The following USB1 variants were observed in gnomAD, a reference collection of about 807,000 sequenced individuals.
USB1 encodes the protein U6 snRNA biogenesis phosphodiesterase 1.
USB1 carries 21 observed loss-of-function variants against 29.9 expected under a neutral mutation model. The observed-to-expected ratio is 0.70, with a 90% CI of 0.50 to 1.01. The LOEUF (loss-of-function observed/expected upper bound fraction) is 1.01, where lower values mean the gene tolerates loss of function less well. Ranked by LOEUF, USB1 falls within the 50% of genes least tolerant of loss-of-function variation. The pLI, the probability that USB1 is intolerant of heterozygous loss-of-function variation, is 0.00. For missense variants in USB1, 330 were observed against 347.1 expected (o/e 0.95, Z 0.39); for synonymous variants, 143 against 134.9 (o/e 1.06, Z -0.42).
chr16:58,011,410 A>C, intron 3 of USB1: 1 of 1,150,926 alleles, frequency 8.7e-7, no homozygotes, highest in Non-Finnish European at 1.1e-6. Context: ...CCCCTTACCT[A>C]TTAGATTATT....
At chr16:58,017,000 T>C in intron 4 of USB1, 1 of 358,882 alleles carries the variant, frequency 2.8e-6, no homozygotes, top group Non-Finnish European at 5.4e-6. Context: ...AGGACAGGAG[T>C]CATTTGCGAT....
chr16:58,001,325 C>A, upstream of USB1: 1 of 840,870 alleles, frequency 1.2e-6, no homozygotes, highest in South Asian at 1.5e-5. Flanking sequence ...TGGGCTGAAT[C>A]TTCACCACTG....
At chr16:58,012,658 G>T in intron 3 of USB1, 1 of 1,246,886 alleles carries the variant, frequency 8.0e-7, no homozygotes, top group Non-Finnish European at 1.0e-6. Flanking sequence ...TTCTTTGGGA[G>T]TAAAGAGTTA....
chr16:58,010,637 A>T, intron 3 of USB1: 1 of 269,742 alleles, frequency 3.7e-6, no homozygotes, highest in Admixed American at 4.9e-5. Flanking sequence ...CTCAGGTTTG[A>T]TCATTTGCTA....
At chr16:58,015,142 T>G (rs7201127) in intron 4 of USB1, 118,484 of 151,986 alleles carry the variant, frequency 0.78, 46,666 homozygotes, top group African/African-American at 0.84. Flanking sequence ...GAGCATGTAG[T>G]GGGGTGGTGC....
rs1963298547 is a variant in USB1, at chr16:58,004,104, C to T, written c.265+1459C>T. On this transcript the variant is annotated intron_variant, in intron 2 of 6. Coordinates refer to ENST00000219281, the MANE Select transcript of USB1 (RefSeq NM_024598.4). ...TGCATTTTACATTTAGTTCTGTGTC[C>T]ATTTTGAGTTAATTTTTGTGAAAGG... 2.0e-5 allele frequency among the ~76,000 whole-genome samples: 3 copies of T among 152,120 alleles called. No homozygotes were observed. The South Asian group carries it at 6.2e-4, about 32-fold the overall frequency.
chr16:58,012,026 AT>A, intron 3 of USB1: 1 of 1,209,698 alleles, frequency 8.3e-7, no homozygotes, highest in Non-Finnish European at 1.0e-6. Flanking sequence ...CAAAAGCCTG[AT>A]GTGTGGCTGT....
At chr16:58,014,381 T>C in intron 4 of USB1, 55 bp downstream of exon 4, 2 of 1,476,586 alleles carry the variant, frequency 1.4e-6, no homozygotes, top group Non-Finnish European at 1.9e-6. Context: ...GGTGCAAAAA[T>C]TGAGTGCTTT....
At chr16:58,017,036 G>A in intron 4 of USB1, 1 of 424,990 alleles carries the variant, frequency 2.4e-6, no homozygotes, top group Non-Finnish European at 4.4e-6. Context: ...GAATGGGGGT[G>A]CAGAAGCTTC....
upstream of USB1, chr16:58,001,314 G>T: frequency 1.3e-6 from 1 of 768,140 alleles, no homozygotes; most frequent in Non-Finnish European, 2.2e-6. Context: ...CTTGGAGTCG[G>T]TGGGCTGAAT....
At chr16:58,009,724 CAA>C (rs537536509) in intron 2 of USB1, among the ~76,000 whole-genome samples, 2 of 108,778 alleles carry the variant, frequency 1.8e-5, no homozygotes. Flanking sequence ...GACTCCTTCT[CAA>C]AAAAAAAAAA....
chr16:58,004,647 T>C (rs1412991726), intron 2 of USB1, among the ~76,000 whole-genome samples: 1 of 152,208 alleles, frequency 6.6e-6, no homozygotes, highest in Non-Finnish European at 1.5e-5. Context: ...AATAACTTGC[T>C]GAGATTTTGA....
chr16:58,001,395 C>T (rs901486854), upstream of USB1: 41 of 1,479,852 alleles, frequency 2.8e-5, no homozygotes, highest in East Asian at 1.5e-4. Context: ...CAGGCCCCGC[C>T]CCTGGGAGGG....
Position 58,020,738 on chromosome 16 carries a change from T to C in USB1, c.*493T>C, listed in dbSNP as rs1963723423. On this transcript the variant is annotated 3_prime_UTR_variant, in exon 7 of 7. Coordinates refer to ENST00000219281, the MANE Select transcript of USB1 (RefSeq NM_024598.4). ...TCCCCTCCTCTATCTCTTCCTCTCC[T>C]CTCTCTCTTCCTCTCCTCTCTCTCT... 2 of 189,266 alleles carry C rather than the reference T, an allele frequency of 1.1e-5. No individual in the cohort carries two copies. The highest frequency in any genetic ancestry group is 1.8e-4 in the South Asian group (2 of 11,272). 11.7% of individuals were successfully genotyped at this position (189,266 alleles called of 1,614,324 possible).
At chr16:58,009,788 C>T in intron 2 of USB1, 141 bp from the exon 3 acceptor site, 1 of 728,638 alleles carries the variant, frequency 1.4e-6, no homozygotes, top group East Asian at 2.8e-5. Flanking sequence ...TATTAGAAGA[C>T]ATAGACATAG....
At position 58,020,580 on chromosome 16, in the gene USB1, T is replaced by C. The variant is rs1211845876; in HGVS notation, c.*335T>C. On this transcript the variant is annotated 3_prime_UTR_variant, in exon 7 of 7. Transcript: ENST00000219281. ...TCCCCTCCTCTCTTCCTCTCCTCTC[T>C]CTTCCTCTCCTCTCTCTACCCCTCC... 1 of 372,864 alleles carries C rather than the reference T, an allele frequency of 2.7e-6. No homozygotes were observed. Among genetic ancestry groups the C allele is most frequent in the Non-Finnish European group, 5.1e-6 (1 of 196,566 alleles). 23.1% of individuals were successfully genotyped at this position (372,864 alleles called of 1,614,324 possible). A position where few individuals can be genotyped will look rare whatever the true frequency, so the allele number is the denominator to read the frequency against.
At position 58,011,532 on chromosome 16, in the gene USB1, C is replaced by G. The variant is rs555169364; in HGVS notation, c.449+1420C>G. ...GGCATATCCTGCAGAATCCCTCCGT[C>G]CAGAGATCAGTCGGTCCTGTGGTTG... On this transcript the variant is annotated intron_variant, in intron 3 of 6. Coordinates refer to ENST00000219281, the MANE Select transcript of USB1 (RefSeq NM_024598.4). 5.5e-5 allele frequency: 55 copies of G among 1,005,066 alleles called. No individual in the cohort carries two copies. In the South Asian group the frequency reaches 1.9e-3, roughly 34 times the overall value. The allele number at this position is 1,005,066 out of a possible 1,614,324, so 62.3% of individuals were successfully genotyped here. A position where few individuals can be genotyped will look rare whatever the true frequency, so the allele number is the denominator to read the frequency against.
At chr16:58,019,116 T>C in intron 6 of USB1, 61 bp downstream of exon 6, 1 of 1,563,922 alleles carries the variant, frequency 6.4e-7, no homozygotes, top group Middle Eastern at 1.7e-4. Flanking sequence ...GGACAGATGC[T>C]GGAGAGGGGG....
chr16:58,018,599 G>T (rs1466420354), intron 5 of USB1, among the ~76,000 whole-genome samples: 1 of 152,052 alleles, frequency 6.6e-6, no homozygotes, highest in Non-Finnish European at 1.5e-5. Context: ...CAGGGGTTGG[G>T]GGCTACAGAG....
Sources: allele counts gnomAD v4.1 joint callset (sites outside exome capture counted in the v4.1 genomes callset), GRCh38; gene constraint gnomAD v4.1.1; transcripts MANE v1.5; gene names NCBI Gene and HGNC (gene_info 2026-07-23, HGNC 2026-07-21).